ZNF208: variants seen among roughly 807,000 people sequenced by gnomAD.
ZNF208 encodes zinc finger protein 208.
A neutral mutation model predicts 12.1 loss-of-function variants in ZNF208; 10 were observed. That is an observed-to-expected ratio of 0.83 (90% CI 0.51 to 1.40). The LOEUF is 1.40. Ranked by LOEUF, ZNF208 falls within the 40% of genes most tolerant of loss-of-function variation. The pLI is 0.00. For missense variants in ZNF208, 1,652 were observed against 1,485.0 expected, an observed-to-expected ratio of 1.11 and a Z score of -1.85; for synonymous variants, 497 against 488.4, an observed-to-expected ratio of 1.02 and a Z score of -0.23.
chr19:21,963,074 A>G (rs1027288691), downstream of ZNF208, among the ~76,000 whole-genome samples: 3 of 152,048 alleles, frequency 2.0e-5, no homozygotes, highest in African/African-American at 7.2e-5. Flanking sequence ...TCCCCACTTT[A>G]TATCAGTGGA....
chr19:21,986,961 T>G (rs1274548859), intron 3 of ZNF208: 1 of 463,254 alleles, frequency 2.2e-6, no homozygotes, highest in Non-Finnish European at 3.7e-6. Context: ...CTCTCTTGTA[T>G]GCCATGAACA....
chr19:21,953,870 C>T (rs1201074198), intron 4 of ZNF208, among the ~76,000 whole-genome samples: 1 of 152,108 alleles, frequency 6.6e-6, no homozygotes, highest in Non-Finnish European at 1.5e-5. Context: ...TTCTTGCCTT[C>T]TGCTAGTTTT....
chr19:21,972,964 C>T lies in ZNF208; in HGVS notation c.2070G>A (p.Glu690=), dbSNP rs1167609859. Residue 690 remains glutamate, a synonymous_variant, in exon 4 of 4, where the codon GAG becomes GAA. Transcript: ENST00000397126. ...LTKHKVIHTG[E]KPYKCEECGK... is the part of the protein sequence containing the mutation. Reference sequence around the variant, plus strand: ...CACATTCTTCACATTTGTAGGGTTTCTCTCCAGTATGAATTACCTTATGTT... The same window carrying T: ...CACATTCTTCACATTTGTAGGGTTTTTCTCCAGTATGAATTACCTTATGTT... 2 of 1,613,794 alleles carry T rather than the reference C, an allele frequency of 1.2e-6. No individual in the cohort carries two copies. The highest frequency in any genetic ancestry group is 1.7e-5 in the Admixed American group (1 of 59,974).
chr19:21,958,021 T>C (rs1336273540), intron 4 of ZNF208, among the ~76,000 whole-genome samples: 1 of 151,874 alleles, frequency 6.6e-6, no homozygotes, highest in East Asian at 1.9e-4. Flanking sequence ...GAGTGTGATG[T>C]TTCCCTTCCT....
At chr19:21,986,978 T>C (rs1970638094) in intron 3 of ZNF208, 2 of 495,532 alleles carry the variant, frequency 4.0e-6, no homozygotes, top group Non-Finnish European at 7.0e-6. Flanking sequence ...AACAGTACTT[T>C]GGCTGTCACT....
intron 4 of ZNF208, among the ~76,000 whole-genome samples, chr19:21,956,943 T>C (rs1215854657): frequency 6.6e-6 from 1 of 152,214 alleles, no homozygotes; most frequent in Non-Finnish European, 1.5e-5. Context: ...ACTGGAGCTG[T>C]CCCTATTCAG....
chr19:21,970,198 T>C lies in ZNF208; in HGVS notation c.*993A>G, dbSNP rs115843649. Among the ~76,000 whole-genome samples, 1,161 of 152,316 alleles carry C rather than the reference T, an allele frequency of 7.6e-3. 19 individuals are homozygous for C. Among genetic ancestry groups the C allele is most frequent in the African/African-American group, 0.026 (1,064 of 41,578 alleles). ...TTTCAGGTTTGTAGAGTCTCTCTTG[T>C]GTATGAATTAGCTTATGTCTCTTAA... On this transcript the variant is annotated 3_prime_UTR_variant, in exon 4 of 4. Transcript: ENST00000397126.
rs1326615828 is a variant in ZNF208 at position 21,969,071 on chromosome 19, C to G, written c.*2120G>C. 6.6e-6 allele frequency among the ~76,000 whole-genome samples: 1 copy of G among 152,012 alleles called. No homozygotes were observed. Among genetic ancestry groups the G allele is most frequent in the Non-Finnish European group, 1.5e-5 (1 of 67,986 alleles). On this transcript the variant is annotated 3_prime_UTR_variant, in exon 4 of 4. Transcript: ENST00000397126. ...TGGCGGCGGGCGCCTGTAGTCCCAG[C>G]TAATTGGGAGGCTGAGGTGGGAGAA... is the stretch of plus-strand genomic sequence containing the variant.
At chr19:21,947,116 G>A (rs972881551) in intron 4 of ZNF208, among the ~76,000 whole-genome samples, 2 of 151,994 alleles carry the variant, frequency 1.3e-5, no homozygotes, top group African/African-American at 4.8e-5. Context: ...CAGAGTTGTT[G>A]TTTTATAATT....
Position 21,967,043 on chromosome 19 carries a change from C to A in ZNF208, c.*4148G>T, listed in dbSNP as rs1291322752. On this transcript the variant is annotated 3_prime_UTR_variant, in exon 4 of 4. Transcript: ENST00000397126. ...CATCTGTTTACTTTGCTGATAGTTT[C>A]TTTTACTGTGCAGAAGCTCTTTGGC... 6.6e-6 allele frequency: 1 copy of A among 152,030 alleles called. No homozygotes were observed. The highest frequency in any genetic ancestry group is 6.6e-5 in the Admixed American group (1 of 15,250). The allele number at this position is 152,030 out of a possible 1,614,324, so 9.4% of individuals were successfully genotyped here.
chr19:21,954,387 C>T (rs891137852), intron 4 of ZNF208, among the ~76,000 whole-genome samples: 6 of 152,104 alleles, frequency 3.9e-5, no homozygotes, highest in African/African-American at 7.2e-5. Context: ...CCTGGATATC[C>T]TTGTTAACTT....
chr19:21,973,607 T>G lies in ZNF208; in HGVS notation c.1427A>C (p.Asn476Thr), dbSNP rs145224729. 711 of 1,608,212 alleles carry G rather than the reference T, an allele frequency of 4.4e-4. 6 individuals carry two copies. The East Asian group carries it at 0.013, about 29-fold the overall frequency. ...TTCACATTTGTAGGGTTTCTCTCCA[T>G]TATGAATTACCTTATGTTTAGTAAG... ...SILTKHKVIHNGEKPYKCEEC... is the reference protein window; with the variant it reads ...SILTKHKVIHTGEKPYKCEEC... Residue 476 changes from asparagine (N) to threonine (T), a missense_variant, in exon 4 of 4, where the codon AAT becomes ACT. Around this residue, in one of 3 missense-constraint regions of ZNF208, gnomAD observed 1,239 missense variants for 1,086.2 expected, o/e 1.14. Coordinates refer to ENST00000397126, the MANE Select transcript of ZNF208 (RefSeq NM_007153.3).
At chr19:22,001,872 G>A (rs1970954086) in intron 1 of ZNF208, among the ~76,000 whole-genome samples, 1 of 100,874 alleles carries the variant, frequency 9.9e-6, no homozygotes, top group Non-Finnish European at 1.9e-5. Context: ...CAGCCTGGAT[G>A]ACACAGTGAG....
At chr19:21,983,393 C>T (rs1342244227) in intron 3 of ZNF208, among the ~76,000 whole-genome samples, 1 of 152,090 alleles carries the variant, frequency 6.6e-6, no homozygotes, top group Admixed American at 6.5e-5. Flanking sequence ...AAAGCTTTTA[C>T]ACTGCTGGTT....
At chr19:21,957,098 G>A (rs1969989228) in intron 4 of ZNF208, among the ~76,000 whole-genome samples, 2 of 152,270 alleles carry the variant, frequency 1.3e-5, no homozygotes, top group South Asian at 4.1e-4. Flanking sequence ...AGCATGCAGT[G>A]GCACAATCTC....
At chr19:21,965,257 CTT>C (rs1258201472), downstream of ZNF208, among the ~76,000 whole-genome samples, 7 of 152,020 alleles carry the variant, frequency 4.6e-5, no homozygotes, top group African/African-American at 1.7e-4. Context: ...TAAAGTATCA[CTT>C]TCGTTTTGTC....
intron 4 of ZNF208, among the ~76,000 whole-genome samples, chr19:21,957,111 C>A (rs1210560040): frequency 6.6e-6 from 1 of 152,202 alleles, no homozygotes; most frequent in East Asian, 1.9e-4. Flanking sequence ...ACAATCTCAG[C>A]TCACTGCAAC....
At position 21,971,881 on chromosome 19, in the gene ZNF208, A is replaced by G; in HGVS notation, c.3153T>C (p.His1051=). 6.2e-7 allele frequency: 1 copy of G among 1,612,392 alleles called. No homozygotes were observed. The highest frequency in any genetic ancestry group is 8.5e-7 in the Non-Finnish European group (1 of 1,179,116). ...CACATTTGTAGGGTTTTTCTCCAGC[A>G]TGAGTTGCCTTATGTTCAGTAAGGC... The part of the protein sequence containing the change: ...PSSLTEHKAT[H]AGEKPYKCEE... The change falls in exon 4 of 4, where the codon CAT becomes CAC. Residue 1051 remains histidine, a synonymous_variant. Transcript: ENST00000397126.
intron 1 of ZNF208, among the ~76,000 whole-genome samples, chr19:22,008,286 G>C (rs956249757): frequency 1.6e-5 from 2 of 124,608 alleles, no homozygotes; most frequent in African/African-American, 6.1e-5. Context: ...CTGGGTGACA[G>C]AATGAGACTC....
Sources: gnomAD v4.1 joint callset for allele counts (sites outside exome capture counted in the v4.1 genomes callset) on GRCh38, gnomAD v4.1.1 for gene constraint, gnomAD v4.1.1 regional missense constraint, MANE v1.5 for transcripts, NCBI Gene and HGNC (gene_info 2026-07-23, HGNC 2026-07-21) for gene names.